Variants in KCNMB2 observed in about 807,000 individuals in gnomAD.
KCNMB2 encodes potassium calcium-activated channel subfamily M regulatory beta subunit 2, also known as calcium-activated potassium channel subunit beta-2.
Under a neutral mutation model 24.5 loss-of-function variants are expected in KCNMB2, and 9 were observed. The ratio of observed to expected loss-of-function variants is 0.37; its 90% CI spans 0.22 to 0.64. KCNMB2 has a LOEUF of 0.64. Ranked by LOEUF, KCNMB2 falls within the 30% of genes least tolerant of loss-of-function variation. The pLI, the probability that KCNMB2 is intolerant of heterozygous loss-of-function variation, is 0.63. For missense variants in KCNMB2, 226 were observed against 284.3 expected, an observed-to-expected ratio of 0.79 and a Z score of 1.47; for synonymous variants, 109 against 104.4, an observed-to-expected ratio of 1.04 and a Z score of -0.27.
rs568102524 is a variant in KCNMB2 at position 178,542,132 on chromosome 3, C to T, written c.-68+5421C>T. On this transcript the variant is annotated intron_variant, in intron 1 of 4. Transcript: ENST00000452583. ...CTCACCATTGATCCATCTGTAAGGG[C>T]GCATCCTTCTATAGAAGTAACTTGT... Among the ~76,000 whole-genome samples the T allele has an allele frequency of 3.9e-5, 6 of 152,270 alleles. No homozygotes were observed. In the South Asian group the frequency reaches 6.2e-4, roughly 16 times the overall value.
In KCNMB2 at chr3:178,741,003, G is replaced by A. The variant is rs143110915; in HGVS notation, c.-67-66340G>A. 4.6e-5 allele frequency among the ~76,000 whole-genome samples: 7 copies of A among 152,312 alleles called. No homozygotes were observed. In the Middle Eastern group the frequency reaches 0.01, roughly 222 times the overall value. On this transcript the variant is annotated intron_variant, in intron 1 of 4. Coordinates refer to ENST00000452583, the MANE Select transcript of KCNMB2 (RefSeq NM_181361.3). ...AAAGGGTATAAGGCTTAGAGGCAAGGAGAGGAGAAACGCATGAAAGCCCAA... is the reference window on the plus strand; with the variant it reads ...AAAGGGTATAAGGCTTAGAGGCAAGAAGAGGAGAAACGCATGAAAGCCCAA...
At chr3:178,603,059 T>C (rs1412825009) in intron 1 of KCNMB2, among the ~76,000 whole-genome samples, 1 of 152,118 alleles carries the variant, frequency 6.6e-6, no homozygotes, top group African/African-American at 2.4e-5. Flanking sequence ...GGTGTAGAAC[T>C]GAGAGTTCTC....
At chr3:178,620,367 T>A (rs776572113) in intron 1 of KCNMB2, among the ~76,000 whole-genome samples, 2 of 152,186 alleles carry the variant, frequency 1.3e-5, no homozygotes, top group Non-Finnish European at 2.9e-5. Context: ...AAAAGTTATA[T>A]ACAGGAAAGA....
At chr3:178,757,749 TAAGA>T (rs1724183910) in intron 1 of KCNMB2, among the ~76,000 whole-genome samples, 2 of 74,740 alleles carry the variant, frequency 2.7e-5, no homozygotes, top group African/African-American at 4.5e-5. Flanking sequence ...TATATATATA[TAAGA>T]GGATATATAT....
intron 1 of KCNMB2, among the ~76,000 whole-genome samples, chr3:178,568,725 G>A (rs1716618917): frequency 6.6e-6 from 1 of 151,842 alleles, no homozygotes; most frequent in African/African-American, 2.4e-5. Flanking sequence ...CCTGGAATGT[G>A]TAGAGAAATC....
chr3:178,639,406 T>TC (rs1457489505), intron 1 of KCNMB2, among the ~76,000 whole-genome samples: 1 of 152,176 alleles, frequency 6.6e-6, no homozygotes, highest in Non-Finnish European at 1.5e-5. Context: ...TACTGTACTG[T>TC]CCATTGGCTG....
At chr3:178,636,451 T>G (rs1428696578) in intron 1 of KCNMB2, among the ~76,000 whole-genome samples, 2 of 152,132 alleles carry the variant, frequency 1.3e-5, no homozygotes, top group Admixed American at 1.3e-4. Context: ...TCTCTTCAAC[T>G]TAGATGAATT....
chr3:178,581,965 G>A (rs183155860), intron 1 of KCNMB2, among the ~76,000 whole-genome samples: 55 of 152,280 alleles, frequency 3.6e-4, no homozygotes, highest in African/African-American at 1.3e-3. Context: ...GTTAGTCAAG[G>A]ATCTAGAACC....
At chr3:178,746,615 A>C (rs1197345125) in intron 1 of KCNMB2, among the ~76,000 whole-genome samples, 2 of 152,166 alleles carry the variant, frequency 1.3e-5, no homozygotes, top group Non-Finnish European at 2.9e-5. Flanking sequence ...AATTTTCCAA[A>C]CTTCTATGCT....
chr3:178,661,504 CGG>C (rs1560153670), intron 1 of KCNMB2, among the ~76,000 whole-genome samples: 8 of 152,164 alleles, frequency 5.3e-5, no homozygotes, highest in African/African-American at 1.9e-4. Flanking sequence ...GTCTCTCTTG[CGG>C]TCACTCTACT....
intron 1 of KCNMB2, among the ~76,000 whole-genome samples, chr3:178,614,084 T>G (rs1718593059): frequency 6.7e-6 from 1 of 150,174 alleles, no homozygotes; most frequent in Admixed American, 6.7e-5. Context: ...TGTCCTGCTA[T>G]TAAAAGAATC....
chr3:178,593,681 C>T (rs1234387497), intron 1 of KCNMB2, among the ~76,000 whole-genome samples: 24 of 151,482 alleles, frequency 1.6e-4, no homozygotes, highest in Non-Finnish European at 3.5e-4. Flanking sequence ...AATCACCTCC[C>T]GTCTCTATCT....
chr3:178,539,107 G>C (rs185908674), intron 1 of KCNMB2, among the ~76,000 whole-genome samples: 9 of 152,178 alleles, frequency 5.9e-5, no homozygotes, highest in African/African-American at 2.2e-4. Flanking sequence ...CTTGTTCTCT[G>C]TCTCTCTTAT....
chr3:178,827,374 C>A (rs1342830174), intron 3 of KCNMB2, among the ~76,000 whole-genome samples: 1 of 152,096 alleles, frequency 6.6e-6, no homozygotes, highest in Non-Finnish European at 1.5e-5. Context: ...CAGCAAAACA[C>A]AATAGAATGA....
At chr3:178,749,874 A>G (rs1723787230) in intron 1 of KCNMB2, among the ~76,000 whole-genome samples, 1 of 152,244 alleles carries the variant, frequency 6.6e-6, no homozygotes, top group Non-Finnish European at 1.5e-5. Flanking sequence ...CCTCTGGGAA[A>G]GCTGATTTAA....
intron 1 of KCNMB2, chr3:178,748,951 CAA>C (rs1378265866): frequency 1.3e-5 from 2 of 152,152 alleles, no homozygotes; most frequent in African/African-American, 4.8e-5. Context: ...CATAACAAAA[CAA>C]AGATTCCAGT....
At chr3:178,779,593 C>T (rs2108429923) in intron 1 of KCNMB2, among the ~76,000 whole-genome samples, 1 of 152,292 alleles carries the variant, frequency 6.6e-6, no homozygotes, top group South Asian at 2.1e-4. Flanking sequence ...TAAGGCTCCA[C>T]TTTGTAGTGT....
rs191468432 is a variant in KCNMB2 at position 178,757,738 on chromosome 3, A to T, written c.-67-49605A>T. 2.0e-3 allele frequency among the ~76,000 whole-genome samples: 171 copies of T among 84,294 alleles called. 10 individuals are homozygous for T. Among genetic ancestry groups the T allele is most frequent in the East Asian group, 0.019 (49 of 2,588 alleles). 55.3% of individuals were successfully genotyped at this position (84,294 alleles called of 152,430 possible). The stretch of plus-strand genomic sequence containing the variant: ...TATATATGTATATATATCCAAGAGG[A>T]TATATATATATAAGAGGATATATAT... On this transcript the variant is annotated intron_variant, in intron 1 of 4. Transcript: ENST00000452583.
intron 1 of KCNMB2, among the ~76,000 whole-genome samples, chr3:178,737,254 G>A (rs1421042495): frequency 6.6e-6 from 1 of 151,942 alleles, no homozygotes; most frequent in Non-Finnish European, 1.5e-5. Context: ...GGGTGACAGA[G>A]TGAGATTCTG....
Sources: gnomAD v4.1 joint callset for allele counts (sites outside exome capture counted in the v4.1 genomes callset) on GRCh38, gnomAD v4.1.1 for gene constraint, MANE v1.5 for transcripts, NCBI Gene and HGNC (gene_info 2026-07-23, HGNC 2026-07-21) for gene names.